The following MAP3K13 variants were observed in gnomAD, a reference collection of about 807,000 sequenced individuals.
MAP3K13 encodes the protein leucine zipper-bearing kinase.
In MAP3K13, 52 loss-of-function variants were observed where a neutral mutation model predicts 104.0. That is an observed-to-expected ratio of 0.50 (90% confidence interval 0.40 to 0.63). The LOEUF (loss-of-function observed/expected upper bound fraction) is 0.63. Among genes scored for constraint, MAP3K13 ranks in the 20% least tolerant of loss-of-function variants. The probability of loss-of-function intolerance (pLI) is 0.00; values close to 1 mark genes in which losing one functional copy is unlikely to be tolerated. For synonymous variants in MAP3K13, 394 were observed against 442.2 expected, an observed-to-expected ratio of 0.89 and a Z score of 1.37; for missense variants, 914 against 1,218.5, an observed-to-expected ratio of 0.75 and a Z score of 3.72.
At chr3:185,346,572 A>G (rs1187984887) in intron 2 of MAP3K13, among the ~76,000 whole-genome samples, 2 of 152,202 alleles carry the variant, frequency 1.3e-5, no homozygotes, top group Non-Finnish European at 2.9e-5. Context: ...GGAGTATTAT[A>G]TTATTCCCAG....
intron 7 of MAP3K13, among the ~76,000 whole-genome samples, chr3:185,452,767 G>C (rs1473967937): frequency 6.6e-6 from 1 of 152,116 alleles, no homozygotes; most frequent in Admixed American, 6.6e-5. Flanking sequence ...CCTCCACGTG[G>C]CCTCTATCCC....
In MAP3K13 at chr3:185,445,152, T is replaced by C. The variant is rs550406937; in HGVS notation, c.851+1516T>C. The stretch of plus-strand genomic sequence containing the variant: ...ATACGTAACAAGTATTGTTATTTTA[T>C]GTAAGGAAAACTAGAGATTAGCCCA... On this transcript the variant is annotated intron_variant, in intron 4 of 13. Coordinates refer to ENST00000265026, the MANE Select transcript of MAP3K13 (RefSeq NM_004721.5). Among the ~76,000 whole-genome samples, 104 of 152,326 alleles carry C rather than the reference T, an allele frequency of 6.8e-4. 4 individuals are homozygous for C. The South Asian group carries it at 0.013, about 19-fold the overall frequency.
intron 2 of MAP3K13, among the ~76,000 whole-genome samples, chr3:185,301,270 CT>C (rs1436860178): frequency 1.3e-5 from 2 of 151,016 alleles, no homozygotes; most frequent in East Asian, 3.9e-4. Flanking sequence ...TGTATCTCTT[CT>C]TTGGAGAAAT....
intron 1 of MAP3K13, among the ~76,000 whole-genome samples, chr3:185,379,458 C>T (rs1724599139): frequency 6.6e-6 from 1 of 152,156 alleles, no homozygotes; most frequent in African/African-American, 2.4e-5. Flanking sequence ...AGGCCACTTA[C>T]CCAATTTAAA....
chr3:185,440,624 G>A (rs1715273089), intron 3 of MAP3K13, among the ~76,000 whole-genome samples: 1 of 152,082 alleles, frequency 6.6e-6, no homozygotes, highest in Non-Finnish European at 1.5e-5. Context: ...TAGCTTTGTG[G>A]CATTTGACAG....
chr3:185,355,195 G>C (rs1419487773), intron 2 of MAP3K13, among the ~76,000 whole-genome samples: 2 of 152,158 alleles, frequency 1.3e-5, no homozygotes, highest in East Asian at 3.9e-4. Flanking sequence ...ATTAAGGCCG[G>C]GCACGGTGGT....
chr3:185,468,580 T>C (rs144764042), intron 10 of MAP3K13, among the ~76,000 whole-genome samples: 35 of 152,226 alleles, frequency 2.3e-4, no homozygotes, highest in African/African-American at 7.2e-4. Context: ...GAGATGTGAG[T>C]TAAATGCAGT....
At chr3:185,342,349 A>G (rs151071528) in intron 2 of MAP3K13, among the ~76,000 whole-genome samples, 192 of 152,306 alleles carry the variant, frequency 1.3e-3, no homozygotes, top group African/African-American at 4.3e-3. Flanking sequence ...GCAGTTTTCA[A>G]TGCAACCTGC....
chr3:185,388,742 A>G (rs1260974838), intron 1 of MAP3K13, among the ~76,000 whole-genome samples: 1 of 152,168 alleles, frequency 6.6e-6, no homozygotes, highest in East Asian at 1.9e-4. Flanking sequence ...TACTGAACAA[A>G]AAGAACAAAG....
chr3:185,473,015 G>T lies in MAP3K13; in HGVS notation c.1684G>T (p.Val562Leu). 1.2e-6 allele frequency: 2 copies of T among 1,614,148 alleles called. No homozygotes were observed. The highest frequency in any genetic ancestry group is 1.1e-5 in the South Asian group (1 of 91,080). ...ATCAGAAGGGATCCCCACCACAGAA[G>T]TGGCTCCCACTGCATCCCCTTTGTC... ...LRSEGIPTTE[V>L]APTASPLSGS... is the part of the protein sequence containing the mutation. Residue 562 changes from valine to leucine, a missense_variant, in exon 11 of 14, where the codon GTG becomes TTG. Val to Leu is a conservative substitution (Grantham distance 32). Coordinates refer to ENST00000265026, the MANE Select transcript of MAP3K13 (RefSeq NM_004721.5). This position sits in a 1 kb window ranked among gnomAD's most constrained non-coding sequence, Gnocchi z 4.9.
intron 1 of MAP3K13, among the ~76,000 whole-genome samples, chr3:185,370,829 A>G (rs1724123695): frequency 6.6e-6 from 1 of 151,010 alleles, no homozygotes; most frequent in African/African-American, 2.4e-5. Context: ...ATAATCCAGT[A>G]GCCTCAGTTT....
At chr3:185,479,623 TAAATATATAAACC>T (rs1390857649) in intron 12 of MAP3K13, among the ~76,000 whole-genome samples, 1 of 152,182 alleles carries the variant, frequency 6.6e-6, no homozygotes, top group Non-Finnish European at 1.5e-5. Flanking sequence ...TTTAGTCACA[TAAATATATAAACC>T]AAATGAAAGG....
chr3:185,328,632 G>A (rs995690002), intron 2 of MAP3K13: 3 of 152,206 alleles, frequency 2.0e-5, no homozygotes, highest in Non-Finnish European at 4.4e-5. Context: ...AGGAACATAT[G>A]GGAAAGAAAT....
intron 3 of MAP3K13, among the ~76,000 whole-genome samples, chr3:185,441,840 A>G (rs980660826): frequency 2.0e-5 from 3 of 152,170 alleles, no homozygotes; most frequent in Admixed American, 2.0e-4. Context: ...TCAGGAGTTC[A>G]AGACCAGCCT....
chr3:185,386,866 C>T (rs1023272273), intron 1 of MAP3K13, among the ~76,000 whole-genome samples: 1 of 152,134 alleles, frequency 6.6e-6, no homozygotes, highest in African/African-American at 2.4e-5. Flanking sequence ...CACATGGACA[C>T]ATGGTGGGGA....
chr3:185,333,445 G>A (rs1035629887), intron 2 of MAP3K13, among the ~76,000 whole-genome samples: 3 of 152,140 alleles, frequency 2.0e-5, no homozygotes, highest in African/African-American at 7.2e-5. Context: ...AAATAAAACT[G>A]TCATTAACAG....
At chr3:185,360,506 A>C (rs886160727), upstream of MAP3K13, among the ~76,000 whole-genome samples, 1 of 152,208 alleles carries the variant, frequency 6.6e-6, no homozygotes, top group African/African-American at 2.4e-5. Context: ...GAGACAGCTT[A>C]TCTTTCCAAT....
chr3:185,317,619 CCTGT>C (rs1411470213), intron 2 of MAP3K13, among the ~76,000 whole-genome samples: 1 of 152,172 alleles, frequency 6.6e-6, no homozygotes, highest in African/African-American at 2.4e-5. Context: ...TGAAAATAGA[CCTGT>C]CTTTGAATAA....
At position 185,486,352 on chromosome 3, in the gene MAP3K13, A is replaced by C. The variant is rs1490198095; in HGVS notation, c.*3896A>C. 6.6e-6 allele frequency: 1 copy of C among 152,204 alleles called. No individual in the cohort carries two copies. Among genetic ancestry groups the C allele is most frequent in the Non-Finnish European group, 1.5e-5 (1 of 68,042 alleles). The allele number at this position is 152,204 out of a possible 1,614,324, so 9.4% of individuals were successfully genotyped here. On this transcript the variant is annotated 3_prime_UTR_variant, in exon 14 of 14. Coordinates refer to ENST00000265026, the MANE Select transcript of MAP3K13 (RefSeq NM_004721.5). ...CGAGAGTTGAATAAAGTCCATATTGAACACATTTTTTTAAGTAGAATTGAC... is the reference window on the plus strand; with the variant it reads ...CGAGAGTTGAATAAAGTCCATATTGCACACATTTTTTTAAGTAGAATTGAC...
Sources: allele counts gnomAD v4.1 joint callset (sites outside exome capture counted in the v4.1 genomes callset), GRCh38; gene constraint gnomAD v4.1.1; non-coding constraint Gnocchi (gnomAD v3.1); transcripts MANE v1.5; gene names NCBI Gene and HGNC (gene_info 2026-07-23, HGNC 2026-07-21).